TMTC1: variants seen among roughly 807,000 people sequenced by gnomAD.
TMTC1 encodes protein O-mannosyl-transferase TMTC1.
In TMTC1, 73 loss-of-function variants were observed where a neutral mutation model predicts 104.8. The observed-to-expected ratio is 0.70, with a 90% CI of 0.58 to 0.85. TMTC1 has a LOEUF of 0.85. Among genes scored for constraint, TMTC1 ranks in the 40% least tolerant of loss-of-function variants. TMTC1 has a pLI of 0.00. For synonymous variants in TMTC1, 434 were observed against 428.7 expected, an observed-to-expected ratio of 1.01 and a Z score of -0.15; for missense variants, 1,035 against 1,096.1, an observed-to-expected ratio of 0.94 and a Z score of 0.79.
intron 14 of TMTC1, 44 bp from the exon 15 acceptor site, chr12:29,516,530 CT>C (rs758846397): frequency 6.4e-7 from 1 of 1,567,882 alleles, no homozygotes; most frequent in Admixed American, 1.8e-5. Context: ...ACTTCATTAC[CT>C]TATCAAATAA....
chr12:29,528,280 C>G (rs1944404446), intron 11 of TMTC1, among the ~76,000 whole-genome samples: 1 of 152,100 alleles, frequency 6.6e-6, no homozygotes, highest in South Asian at 2.1e-4. Flanking sequence ...TGAATGTAAG[C>G]TATTTATAGG....
At chr12:29,629,651 T>C (rs1410988035) in intron 6 of TMTC1, among the ~76,000 whole-genome samples, 1 of 152,196 alleles carries the variant, frequency 6.6e-6, no homozygotes, top group Non-Finnish European at 1.5e-5. Context: ...CATTAAAGGT[T>C]ATCAGGGGAT....
Position 29,718,059 on chromosome 12 carries a change from T to C in TMTC1, c.938+33607A>G, listed in dbSNP as rs1591969865. ...AATAAGTAAAGGGAGGTAATATTTA[T>C]GCTAATGGCGAAGTATCTTGTATTG... On this transcript the variant is annotated intron_variant, in intron 5 of 17. Coordinates refer to ENST00000539277, the MANE Select transcript of TMTC1 (RefSeq NM_001193451.2). Among the ~76,000 whole-genome samples the C allele has an allele frequency of 2.6e-5, 4 of 152,202 alleles. No homozygotes were observed. In the South Asian group the frequency reaches 6.2e-4, roughly 24 times the overall value.
chr12:29,763,260 T>A (rs1373337033), intron 2 of TMTC1, among the ~76,000 whole-genome samples: 1 of 152,190 alleles, frequency 6.6e-6, no homozygotes, highest in African/African-American at 2.4e-5. Context: ...GTTCAAATAT[T>A]CGTGTAACAC....
chr12:29,597,944 T>C (rs976264579), intron 7 of TMTC1, among the ~76,000 whole-genome samples: 1 of 152,172 alleles, frequency 6.6e-6, no homozygotes, highest in Non-Finnish European at 1.5e-5. Flanking sequence ...GGTTTAGCTT[T>C]ATGCAAAATT....
rs539745641 is a variant in TMTC1 at position 29,630,812 on chromosome 12, G to T, written c.1128+2335C>A. ...GATAGGTAGAGCTGTTTAATTTTAT[G>T]TTTAACTTTTTAAGAAACTTCCAAA... On this transcript the variant is annotated intron_variant, in intron 6 of 17. Coordinates refer to ENST00000539277, the MANE Select transcript of TMTC1 (RefSeq NM_001193451.2). Among the ~76,000 whole-genome samples the T allele has an allele frequency of 6.6e-5, 10 of 152,178 alleles. No homozygotes were observed. The South Asian group carries it at 1.0e-3, about 16-fold the overall frequency.
chr12:29,536,216 G>GGA lies in TMTC1; in HGVS notation c.1777_1778insTC (p.Ala593ValfsTer18). Reference sequence around the variant, plus strand: ...ACTGTGTGAAACAATTACCTGCTCAGCCAATAACGAAGCTAAGCTTGAATA... The same window carrying GGA: ...ACTGTGTGAAACAATTACCTGCTCAGGACCAATAACGAAGCTAAGCTTGAATA... On this transcript the variant is annotated frameshift_variant, in exon 11 of 18. Transcript: ENST00000539277. LOFTEE classifies it high-confidence loss of function. The GGA allele has an allele frequency of 6.2e-7, 1 of 1,603,880 alleles. No homozygotes were observed. Among genetic ancestry groups the GGA allele is most frequent in the Non-Finnish European group, 8.5e-7 (1 of 1,171,310 alleles).
chr12:29,660,925 T>C, intron 5 of TMTC1: 1 of 1,283,720 alleles, frequency 7.8e-7, no homozygotes. Context: ...TAAGTGTGTC[T>C]ACCAGACACA....
At chr12:29,730,052 GA>G (rs764078631) in intron 5 of TMTC1, among the ~76,000 whole-genome samples, 119 of 152,172 alleles carry the variant, frequency 7.8e-4, no homozygotes, top group Non-Finnish European at 1.4e-3. Flanking sequence ...GGGATGGGGG[GA>G]AGTAAGCCAC....
rs532044718 is a variant in TMTC1, at chr12:29,575,208, G to C, written c.1419-2990C>G. Among the ~76,000 whole-genome samples the C allele has an allele frequency of 5.9e-5, 9 of 152,186 alleles. No individual in the cohort carries two copies. The East Asian group carries it at 1.5e-3, about 26-fold the overall frequency. ...GTGGCAGGGGGAATGATAAAATATA[G>C]ACAGATGGATTTGAAGGCTATTTGG... On this transcript the variant is annotated intron_variant, in intron 8 of 17. Coordinates refer to ENST00000539277, the MANE Select transcript of TMTC1 (RefSeq NM_001193451.2).
At chr12:29,670,934 C>CAAAA (rs374719241) in intron 5 of TMTC1, among the ~76,000 whole-genome samples, 10 of 68,552 alleles carry the variant, frequency 1.5e-4, no homozygotes, top group Non-Finnish European at 2.7e-4. Context: ...GACTCTGTCT[C>CAAAA]AAAAAAAAAG....
At chr12:29,615,674 A>G (rs1334554544) in intron 6 of TMTC1, among the ~76,000 whole-genome samples, 1 of 152,160 alleles carries the variant, frequency 6.6e-6, no homozygotes, top group Non-Finnish European at 1.5e-5. Context: ...AAACATCTAT[A>G]TACACATTTC....
At chr12:29,544,406 G>A (rs1793186130) in intron 10 of TMTC1, among the ~76,000 whole-genome samples, 1 of 151,912 alleles carries the variant, frequency 6.6e-6, no homozygotes, top group Non-Finnish European at 1.5e-5. Flanking sequence ...GTAAGATGGA[G>A]TCACAGGGCA....
intron 5 of TMTC1, among the ~76,000 whole-genome samples, chr12:29,749,700 C>A (rs1356343852): frequency 6.6e-6 from 1 of 151,976 alleles, no homozygotes; most frequent in African/African-American, 2.4e-5. Flanking sequence ...TGATTTTATT[C>A]TCTCCCCAAC....
At chr12:29,634,427 A>G (rs1182914076) in intron 5 of TMTC1, among the ~76,000 whole-genome samples, 3 of 152,144 alleles carry the variant, frequency 2.0e-5, no homozygotes, top group African/African-American at 7.2e-5. Flanking sequence ...TACAGGGACC[A>G]ATGCTCTGTA....
chr12:29,585,469 C>T (rs181543882), intron 7 of TMTC1, among the ~76,000 whole-genome samples: 6,435 of 152,212 alleles, frequency 0.042, 459 homozygotes, highest in African/African-American at 0.15. Flanking sequence ...TCAATTTTGG[C>T]TTTTGTTGCC....
chr12:29,784,201 C>G (rs1370968852), upstream of TMTC1: 1 of 152,684 alleles, frequency 6.5e-6, no homozygotes, highest in Non-Finnish European at 1.5e-5. Context: ...GCCCCCGCCC[C>G]CATCCTTCTC....
intron 5 of TMTC1, among the ~76,000 whole-genome samples, chr12:29,715,987 G>GTATTATTATTATCATTAT (rs1448590091): frequency 1.5e-5 from 2 of 130,170 alleles, no homozygotes; most frequent in African/African-American, 5.9e-5. Flanking sequence ...GCCAAACTCA[G>GTATTATTATTATCATTAT]TATTATTATT....
intron 5 of TMTC1, among the ~76,000 whole-genome samples, chr12:29,656,123 G>GA (rs1023788836): frequency 6.6e-6 from 1 of 151,956 alleles, no homozygotes; most frequent in Non-Finnish European, 1.5e-5. Flanking sequence ...ACAGAACTAG[G>GA]AAACAGACCA....
Sources: allele counts gnomAD v4.1 joint callset (sites outside exome capture counted in the v4.1 genomes callset), GRCh38; gene constraint gnomAD v4.1.1; transcripts MANE v1.5; gene names NCBI Gene and HGNC (gene_info 2026-07-23, HGNC 2026-07-21).